The following STAB2 variants were observed in gnomAD, a reference collection of about 807,000 sequenced individuals.
STAB2 encodes stabilin-2.
STAB2 carries 288 observed loss-of-function variants against 338.1 expected under a neutral mutation model. The observed-to-expected ratio is 0.85, with a 90% CI of 0.77 to 0.94. The LOEUF (loss-of-function observed/expected upper bound fraction) is 0.94, where lower values mean the gene tolerates loss of function less well. STAB2 is among the 40% of genes least tolerant of loss of function. The pLI, the probability that STAB2 is intolerant of heterozygous loss-of-function variation, is 0.00. For missense variants in STAB2, 3,141 were observed against 3,210.1 expected, an observed-to-expected ratio of 0.98 and a Z score of 0.52; for synonymous variants, 1,202 against 1,193.3, an observed-to-expected ratio of 1.01 and a Z score of -0.15.
chr12:103,725,655 C>T (rs768799035), intron 45 of STAB2, among the ~76,000 whole-genome samples: 3 of 151,638 alleles, frequency 2.0e-5, no homozygotes, highest in East Asian at 1.9e-4. Flanking sequence ...TGTGTATGCA[C>T]GTGTGTGTGC....
chr12:103,673,971 C>T lies in STAB2; in HGVS notation c.2436C>T (p.Gly812=). The change falls in exon 23 of 69, where the codon GGC becomes GGT. Residue 812 remains glycine, a synonymous_variant. Transcript: ENST00000388887. ...RIDSDGACLT[G]TCRDGSAGRL... ...ACAGCGATGGGGCCTGCCTCACTGG[C>T]ACATGCAGAGACGGCTCTGCCGGGA... 6.2e-7 allele frequency: 1 copy of T among 1,614,098 alleles called. No homozygotes were observed. The highest frequency in any genetic ancestry group is 8.5e-7 in the Non-Finnish European group (1 of 1,180,014).
chr12:103,621,742 G>A (rs1190363408), intron 4 of STAB2, among the ~76,000 whole-genome samples: 10 of 152,136 alleles, frequency 6.6e-5, no homozygotes. Context: ...ATGCAAAACT[G>A]AAAGCATTTT....
chr12:103,609,014 TC>T (rs1957078119), intron 3 of STAB2, among the ~76,000 whole-genome samples: 1 of 152,234 alleles, frequency 6.6e-6, no homozygotes, highest in Non-Finnish European at 1.5e-5. Context: ...TGGCATTATT[TC>T]TGAGGGCTCT....
intron 53 of STAB2, 109 bp from the exon 54 acceptor site, chr12:103,739,301 CAG>C: frequency 1.0e-6 from 1 of 999,052 alleles, no homozygotes; most frequent in Non-Finnish European, 1.4e-6. Context: ...TGATCATAGC[CAG>C]AGTCTTAAGA....
At chr12:103,635,022 G>T (rs1957521851) in intron 6 of STAB2, among the ~76,000 whole-genome samples, 1 of 152,210 alleles carries the variant, frequency 6.6e-6, no homozygotes, top group African/African-American at 2.4e-5. Flanking sequence ...GGAAGGGGTG[G>T]GGGAATAGTC....
intron 3 of STAB2, among the ~76,000 whole-genome samples, chr12:103,599,711 A>G (rs1351164463): frequency 6.6e-6 from 1 of 152,194 alleles, no homozygotes; most frequent in Non-Finnish European, 1.5e-5. Context: ...ATTCTTTGGT[A>G]CTATCTTCCT....
rs768615048 is a variant in STAB2 at position 103,638,181 on chromosome 12, C to T, written c.875C>T (p.Ser292Phe). The change falls in exon 8 of 69, where the codon TCT (serine) becomes TTT (phenylalanine). Residue 292 changes from serine to phenylalanine, a missense_variant. Physicochemically the swap from Ser to Phe is radical, Grantham distance 155. Transcript: ENST00000388887. The part of the protein sequence containing the change: ...QINFGNCPTK[S>F]TVCKYDGPGQ... ...AACTTTGGAAACTGCCCTACAAAGT[C>T]TACAGTGTGCAAATATGATGGGCCT... 1.4e-5 allele frequency: 22 copies of T among 1,614,076 alleles called. No individual in the cohort carries two copies. The highest frequency in any genetic ancestry group is 1.9e-5 in the Non-Finnish European group (22 of 1,180,030).
chr12:103,759,697 T>C (rs1384608719), intron 65 of STAB2, among the ~76,000 whole-genome samples: 3 of 152,112 alleles, frequency 2.0e-5, no homozygotes, highest in Non-Finnish European at 4.4e-5. Context: ...AGGATGATGG[T>C]GATGGTGGTG....
At chr12:103,655,132 A>G in intron 13 of STAB2, 119 bp from the exon 14 acceptor site, 1 of 971,384 alleles carries the variant, frequency 1.0e-6, no homozygotes, top group Non-Finnish European at 1.6e-6. Flanking sequence ...GACCAGGTTC[A>G]TTTATATAAA....
intron 9 of STAB2, among the ~76,000 whole-genome samples, chr12:103,642,172 T>C (rs546154922): frequency 6.6e-6 from 1 of 152,350 alleles, no homozygotes; most frequent in African/African-American, 2.4e-5. Context: ...AATGAGTTCA[T>C]GTATATAATA....
At chr12:103,635,003 C>T (rs569151288) in intron 6 of STAB2, among the ~76,000 whole-genome samples, 1 of 152,300 alleles carries the variant, frequency 6.6e-6, no homozygotes, top group South Asian at 2.1e-4. Flanking sequence ...GCCAAAACTT[C>T]GGGTTTATGG....
intron 65 of STAB2, 61 bp downstream of exon 65, chr12:103,759,334 T>C: frequency 4.4e-6 from 7 of 1,593,266 alleles, no homozygotes; most frequent in Non-Finnish European, 6.0e-6. Context: ...GTTCCTGGCA[T>C]ACAGTAGGTG....
At chr12:103,697,605 C>G (rs1878513874) in intron 33 of STAB2, among the ~76,000 whole-genome samples, 1 of 152,340 alleles carries the variant, frequency 6.6e-6, no homozygotes, top group African/African-American at 2.4e-5. Flanking sequence ...CTTCCTCCCT[C>G]CCTGCTCCAC....
intron 5 of STAB2, among the ~76,000 whole-genome samples, chr12:103,623,264 G>A (rs779889659): frequency 6.6e-6 from 1 of 152,184 alleles, no homozygotes. Flanking sequence ...AGGAGCCATA[G>A]TGTGGTGGGC....
chr12:103,615,728 C>T (rs770460531), intron 3 of STAB2, among the ~76,000 whole-genome samples: 4 of 152,090 alleles, frequency 2.6e-5, no homozygotes, highest in Non-Finnish European at 5.9e-5. Context: ...GCCACAGAAA[C>T]TTACAGTCAT....
At chr12:103,632,476 G>T (rs1196544017) in intron 6 of STAB2, among the ~76,000 whole-genome samples, 1 of 152,214 alleles carries the variant, frequency 6.6e-6, no homozygotes. Context: ...CACCTAGCAG[G>T]CATGGGGCAA....
intron 30 of STAB2, among the ~76,000 whole-genome samples, chr12:103,691,422 G>T (rs1877928389): frequency 6.6e-6 from 1 of 152,154 alleles, no homozygotes; most frequent in African/African-American, 2.4e-5. Context: ...GAAAACAGTG[G>T]TCCTATGGCT....
chr12:103,760,635 T>C (rs535551263), intron 65 of STAB2, among the ~76,000 whole-genome samples: 1 of 152,266 alleles, frequency 6.6e-6, no homozygotes, highest in African/African-American at 2.4e-5. Context: ...CTGATGGAGA[T>C]GACCGTGGGG....
intron 61 of STAB2, 62 bp downstream of exon 61, chr12:103,753,415 T>G: frequency 1.2e-6 from 2 of 1,609,866 alleles, no homozygotes; most frequent in Non-Finnish European, 1.7e-6. Context: ...GTGCAGCCCT[T>G]TCTTAAGATG....
Sources: allele counts gnomAD v4.1 joint callset (sites outside exome capture counted in the v4.1 genomes callset), GRCh38; gene constraint gnomAD v4.1.1; transcripts MANE v1.5; gene names NCBI Gene and HGNC (gene_info 2026-07-23, HGNC 2026-07-21).